BMPR1B: variants seen among roughly 807,000 people sequenced by gnomAD.
The protein encoded by BMPR1B is bone morphogenetic protein receptor type-1B.
A neutral mutation model predicts 59.1 loss-of-function variants in BMPR1B; 12 were observed. The ratio of observed to expected loss-of-function variants is 0.20; its 90% confidence interval spans 0.13 to 0.33. The LOEUF (loss-of-function observed/expected upper bound fraction) is 0.33. BMPR1B is among the 10% of genes least tolerant of loss of function. The probability of loss-of-function intolerance (pLI) is 1.00; values close to 1 mark genes in which losing one functional copy is unlikely to be tolerated. For missense variants in BMPR1B, 550 were observed against 610.9 expected (o/e 0.90, Z 1.05); for synonymous variants, 237 against 207.3 (o/e 1.14, Z -1.23).
chr4:94,817,130 G>C (rs952343259), intron 1 of BMPR1B, among the ~76,000 whole-genome samples: 6 of 152,184 alleles, frequency 3.9e-5, no homozygotes, highest in African/African-American at 1.2e-4. Flanking sequence ...GCCAAGAGCA[G>C]CTCTCATCAG....
intron 3 of BMPR1B, among the ~76,000 whole-genome samples, chr4:95,015,332 T>G (rs927890833): frequency 6.6e-6 from 1 of 152,184 alleles, no homozygotes; most frequent in Admixed American, 6.5e-5. Context: ...ATACCCTTGG[T>G]CCTGCTGCAT....
chr4:94,902,249 CAGAGAGAGAGAG>C (rs142124519), intron 2 of BMPR1B, among the ~76,000 whole-genome samples: 1,782 of 68,802 alleles, frequency 0.026, 71 homozygotes, highest in African/African-American at 0.093. Flanking sequence ...CACACACACA[CAGAGAGAGAGAG>C]AGAGAGAGAG....
At position 94,770,180 on chromosome 4, in the gene BMPR1B, G is replaced by GTTTTTTTTTTTTTTTTTTTTTTTTTTT. The variant is rs1553903537; in HGVS notation, c.-183+12113_-183+12114insTTTTTTTTTTTTTTTTTTTTTTTTTTT. 1.2e-4 allele frequency among the ~76,000 whole-genome samples: 13 copies of GTTTTTTTTTTTTTTTTTTTTTTTTTTT among 106,278 alleles called. 3 individuals carry two copies. Among genetic ancestry groups the GTTTTTTTTTTTTTTTTTTTTTTTTTTT allele is most frequent in the African/African-American group, 4.1e-4 (10 of 24,210 alleles). 69.7% of individuals were successfully genotyped at this position (106,278 alleles called of 152,430 possible). On this transcript the variant is annotated intron_variant, in intron 1 of 12. Transcript: ENST00000515059. Reference sequence around the variant, plus strand: ...TTTGTTTGAATTGTCCTTCGTTTCTGTGTTTGTTTTTTTTTTTTTTTTTTG... The same window carrying GTTTTTTTTTTTTTTTTTTTTTTTTTTT: ...TTTGTTTGAATTGTCCTTCGTTTCTGTTTTTTTTTTTTTTTTTTTTTTTTTTTTGTTTGTTTTTTTTTTTTTTTTTTG...
intron 2 of BMPR1B, among the ~76,000 whole-genome samples, chr4:94,919,149 A>G (rs1578801798): frequency 6.6e-6 from 1 of 152,100 alleles, no homozygotes; most frequent in Non-Finnish European, 1.5e-5. Context: ...ACATGGCTGT[A>G]CCTTTCAGTG....
intron 2 of BMPR1B, among the ~76,000 whole-genome samples, chr4:94,986,503 G>C (rs1721415332): frequency 6.6e-6 from 1 of 152,078 alleles, no homozygotes; most frequent in South Asian, 2.1e-4. Flanking sequence ...ACAATGTTCA[G>C]ATCTACCAAA....
At chr4:94,982,830 A>G (rs1232934466) in intron 2 of BMPR1B, among the ~76,000 whole-genome samples, 1 of 152,034 alleles carries the variant, frequency 6.6e-6, no homozygotes, top group Admixed American at 6.6e-5. Flanking sequence ...TAAAAAATAC[A>G]AAAAATTAGC....
At chr4:95,094,636 C>T (rs865832972) in intron 3 of BMPR1B, among the ~76,000 whole-genome samples, 5 of 152,128 alleles carry the variant, frequency 3.3e-5, no homozygotes, top group African/African-American at 1.2e-4. Context: ...CTACTCTCCA[C>T]GTCTTCTATA....
chr4:95,109,435 C>A (rs527717278), intron 4 of BMPR1B, among the ~76,000 whole-genome samples: 3 of 152,140 alleles, frequency 2.0e-5, no homozygotes, highest in Non-Finnish European at 4.4e-5. Flanking sequence ...GCTTTTTAAA[C>A]CTCTTACTGA....
intron 2 of BMPR1B, among the ~76,000 whole-genome samples, chr4:94,896,550 T>G (rs1280843317): frequency 1.3e-5 from 2 of 151,960 alleles, no homozygotes; most frequent in Non-Finnish European, 2.9e-5. Flanking sequence ...TGTAAAAAAA[T>G]AGAGCTCCCT....
chr4:95,093,601 G>GTT (rs1316796828), intron 3 of BMPR1B, among the ~76,000 whole-genome samples: 4 of 151,726 alleles, frequency 2.6e-5, no homozygotes, highest in African/African-American at 9.7e-5. Context: ...CTCTTCTTAT[G>GTT]TTTTTTTATG....
At chr4:94,986,274 T>C (rs1239958941) in intron 2 of BMPR1B, among the ~76,000 whole-genome samples, 1 of 152,184 alleles carries the variant, frequency 6.6e-6, no homozygotes, top group African/African-American at 2.4e-5. Context: ...TTTCCTCAGC[T>C]CAATTGCACC....
At chr4:94,982,125 TA>T (rs1399809429) in intron 2 of BMPR1B, among the ~76,000 whole-genome samples, 1 of 152,164 alleles carries the variant, frequency 6.6e-6, no homozygotes, top group Non-Finnish European at 1.5e-5. Context: ...GGAGAATACA[TA>T]AAAAACAATG....
At chr4:94,976,425 T>A (rs1332451287) in intron 2 of BMPR1B, among the ~76,000 whole-genome samples, 1 of 152,158 alleles carries the variant, frequency 6.6e-6, no homozygotes, top group African/African-American at 2.4e-5. Context: ...GAAAAATCAT[T>A]GGGGTCATCT....
intron 1 of BMPR1B, among the ~76,000 whole-genome samples, chr4:94,801,434 GA>G (rs780497485): frequency 1.3e-5 from 2 of 152,274 alleles, no homozygotes; most frequent in South Asian, 2.1e-4. Context: ...CAACCAAAGA[GA>G]AATCACCGTC....
chr4:94,909,609 T>G (rs1418654549), intron 2 of BMPR1B, among the ~76,000 whole-genome samples: 2 of 152,106 alleles, frequency 1.3e-5, no homozygotes, highest in African/African-American at 4.8e-5. Flanking sequence ...TCTTCTTGCT[T>G]AGTAGGCCTG....
chr4:95,018,926 G>T (rs1250309349), intron 3 of BMPR1B, among the ~76,000 whole-genome samples: 1 of 152,138 alleles, frequency 6.6e-6, no homozygotes, highest in Non-Finnish European at 1.5e-5. Flanking sequence ...CAAGGGGCAG[G>T]TGGCGCCAAT....
intron 1 of BMPR1B, among the ~76,000 whole-genome samples, chr4:94,831,616 A>C (rs1230151092): frequency 6.6e-6 from 1 of 152,120 alleles, no homozygotes; most frequent in Non-Finnish European, 1.5e-5. Flanking sequence ...ATTTATTTTT[A>C]CTGTACCTTT....
intron 3 of BMPR1B, among the ~76,000 whole-genome samples, chr4:95,025,204 A>T (rs2149142999): frequency 6.6e-6 from 1 of 152,308 alleles, no homozygotes; most frequent in Non-Finnish European, 1.5e-5. Flanking sequence ...TTATTTTCGC[A>T]AAGGGGAAAG....
chr4:94,901,772 T>C (rs1727817133), intron 2 of BMPR1B, among the ~76,000 whole-genome samples: 1 of 151,988 alleles, frequency 6.6e-6, no homozygotes, highest in Non-Finnish European at 1.5e-5. Context: ...GACAGTTCCC[T>C]GTAAAGCAGA....
Sources: allele counts gnomAD v4.1 joint callset (sites outside exome capture counted in the v4.1 genomes callset), GRCh38; gene constraint gnomAD v4.1.1; transcripts MANE v1.5; gene names NCBI Gene and HGNC (gene_info 2026-07-23, HGNC 2026-07-21).